The following TBC1D22A variants were observed in gnomAD, a reference collection of about 807,000 sequenced individuals.
TBC1D22A encodes TBC1 domain family member 22A.
A neutral mutation model predicts 60.2 loss-of-function variants in TBC1D22A; 38 were observed. The ratio of observed to expected loss-of-function variants is 0.63; its 90% confidence interval spans 0.49 to 0.83. The LOEUF (loss-of-function observed/expected upper bound fraction) is 0.83. Ranked by LOEUF, TBC1D22A falls within the 40% of genes least tolerant of loss-of-function variation. The probability of loss-of-function intolerance (pLI) is 0.00; values close to 1 mark genes in which losing one functional copy is unlikely to be tolerated. For synonymous variants in TBC1D22A, 302 were observed against 281.7 expected (o/e 1.07, Z -0.72); for missense variants, 628 against 701.0 (o/e 0.90, Z 1.18).
chr22:46,947,306 G>A (rs151042405), intron 8 of TBC1D22A, among the ~76,000 whole-genome samples: 4 of 152,254 alleles, frequency 2.6e-5, no homozygotes, highest in African/African-American at 2.4e-5. Context: ...GTGTGAAGTC[G>A]AATGGCTAAG....
intron 4 of TBC1D22A, among the ~76,000 whole-genome samples, chr22:46,841,931 T>C (rs1346466637): frequency 3.7e-4 from 56 of 152,236 alleles, no homozygotes; most frequent in Admixed American, 3.7e-3. Context: ...TCTACGTAAA[T>C]CTGAATCCCA....
chr22:46,881,710 G>A (rs548574424), intron 5 of TBC1D22A, among the ~76,000 whole-genome samples: 2 of 152,334 alleles, frequency 1.3e-5, no homozygotes, highest in Admixed American at 1.3e-4. Context: ...AGGGAGTTGA[G>A]GGGCCAAAGG....
At chr22:46,878,516 A>C (rs1325947867) in intron 4 of TBC1D22A, 137 bp from the exon 5 acceptor site, 2 of 720,524 alleles carry the variant, frequency 2.8e-6, no homozygotes, top group African/African-American at 3.5e-5. Context: ...TCGTATCTGA[A>C]ATGTTGATGA....
At chr22:46,794,519 G>A (rs1046827024) in intron 3 of TBC1D22A, among the ~76,000 whole-genome samples, 22 of 152,212 alleles carry the variant, frequency 1.4e-4, no homozygotes, top group African/African-American at 5.1e-4. Context: ...CTGCATGGTT[G>A]TGCGATGAAC....
intron 4 of TBC1D22A, among the ~76,000 whole-genome samples, chr22:46,868,114 G>A (rs1292642232): frequency 6.6e-6 from 1 of 152,162 alleles, no homozygotes; most frequent in African/African-American, 2.4e-5. Context: ...TACTCTGAAC[G>A]CAGTTTTTTC....
At chr22:47,170,090 C>T (rs994183431) in intron 12 of TBC1D22A, among the ~76,000 whole-genome samples, 2 of 152,164 alleles carry the variant, frequency 1.3e-5, no homozygotes, top group African/African-American at 2.4e-5. Context: ...TAAGACAAGC[C>T]TTTTTAAAAA....
chr22:46,909,168 GA>G (rs1252035949), intron 7 of TBC1D22A, among the ~76,000 whole-genome samples: 1 of 152,200 alleles, frequency 6.6e-6, no homozygotes, highest in African/African-American at 2.4e-5. Flanking sequence ...CTTATGAGTA[GA>G]TATAGCCTTG....
chr22:47,153,540 G>C (rs1411668337), intron 12 of TBC1D22A, among the ~76,000 whole-genome samples: 2 of 151,916 alleles, frequency 1.3e-5, no homozygotes, highest in African/African-American at 2.4e-5. Flanking sequence ...TGGGTTCGAG[G>C]GGGAAAGAGG....
At chr22:46,773,509 G>A (rs2083575802) in intron 1 of TBC1D22A, among the ~76,000 whole-genome samples, 1 of 152,118 alleles carries the variant, frequency 6.6e-6, no homozygotes, top group Non-Finnish European at 1.5e-5. Context: ...CTGTTACCCA[G>A]GCTGGAATAC....
At chr22:46,870,044 C>T (rs1168099055) in intron 4 of TBC1D22A, among the ~76,000 whole-genome samples, 2 of 152,208 alleles carry the variant, frequency 1.3e-5, no homozygotes, top group African/African-American at 4.8e-5. Flanking sequence ...ATAACAGAAG[C>T]GTGCTCTTGG....
At chr22:47,138,306 G>T (rs893096942) in intron 12 of TBC1D22A, among the ~76,000 whole-genome samples, 5 of 152,304 alleles carry the variant, frequency 3.3e-5, no homozygotes, top group Middle Eastern at 3.4e-3. Context: ...AGGCACTTTC[G>T]GCCTCTGGGG....
At chr22:47,045,321 G>A (rs1474577086) in intron 11 of TBC1D22A, among the ~76,000 whole-genome samples, 1 of 152,158 alleles carries the variant, frequency 6.6e-6, no homozygotes, top group Non-Finnish European at 1.5e-5. Flanking sequence ...TCCGCGGTTT[G>A]GAAGTCCCAT....
At chr22:47,121,457 T>C (rs1176622996) in intron 12 of TBC1D22A, among the ~76,000 whole-genome samples, 3 of 152,222 alleles carry the variant, frequency 2.0e-5, no homozygotes, top group Non-Finnish European at 4.4e-5. Flanking sequence ...GTTATAATGT[T>C]TCATAACTAC....
chr22:46,963,703 TG>T, intron 8 of TBC1D22A, among the ~76,000 whole-genome samples: 1 of 152,264 alleles, frequency 6.6e-6, no homozygotes, highest in East Asian at 1.9e-4. Flanking sequence ...GGGCAGGACA[TG>T]GGGTCTTTGG....
At position 47,094,395 on chromosome 22, in the gene TBC1D22A, G is replaced by A. The variant is rs182456960; in HGVS notation, c.1330-17113G>A. Among the ~76,000 whole-genome samples the A allele has an allele frequency of 2.4e-4, 36 of 152,282 alleles. 1 individual carries two copies. Among genetic ancestry groups the A allele is most frequent in the South Asian group, 2.1e-3 (10 of 4,828 alleles). On this transcript the variant is annotated intron_variant, in intron 11 of 12. Transcript: ENST00000337137. ...AATGTGCGTGGGTCTCATCCCATCC[G>A]TTGAAGGCCTTCATAGACAGAGACT... is the stretch of plus-strand genomic sequence containing the variant.
chr22:46,833,326 A>C (rs1160180311), intron 4 of TBC1D22A, among the ~76,000 whole-genome samples: 2 of 152,210 alleles, frequency 1.3e-5, no homozygotes, highest in Non-Finnish European at 2.9e-5. Context: ...ACCTACTTGA[A>C]TTGTAGGTGG....
chr22:46,989,220 C>T (rs911194986), intron 9 of TBC1D22A, among the ~76,000 whole-genome samples: 2 of 152,192 alleles, frequency 1.3e-5, no homozygotes, highest in African/African-American at 4.8e-5. Flanking sequence ...ATCTTCTATC[C>T]AGACCGCTGA....
At chr22:46,866,812 G>T (rs2067077665) in intron 4 of TBC1D22A, among the ~76,000 whole-genome samples, 1 of 152,360 alleles carries the variant, frequency 6.6e-6, no homozygotes, top group Non-Finnish European at 1.5e-5. Flanking sequence ...TGCTAGTGCA[G>T]CAGGCATGCG....
chr22:47,103,238 G>C (rs1324119583), intron 11 of TBC1D22A, among the ~76,000 whole-genome samples: 3 of 152,164 alleles, frequency 2.0e-5, no homozygotes, highest in Non-Finnish European at 4.4e-5. Flanking sequence ...GAATGAAGAA[G>C]GGGTCACAGA....
Sources: allele counts gnomAD v4.1 joint callset (sites outside exome capture counted in the v4.1 genomes callset), GRCh38; gene constraint gnomAD v4.1.1; transcripts MANE v1.5; gene names NCBI Gene and HGNC (gene_info 2026-07-23, HGNC 2026-07-21).